The following XG variants were observed in gnomAD, a reference collection of about 807,000 sequenced individuals.
XG encodes the protein Xg glycoprotein (Xg blood group).
XG carries 24 observed loss-of-function variants against 25.7 expected under a neutral mutation model. The ratio of observed to expected loss-of-function variants is 0.93; its 90% CI spans 0.68 to 1.31. The LOEUF (loss-of-function observed/expected upper bound fraction) is 1.31, where lower values mean the gene tolerates loss of function less well. Ranked by LOEUF, XG falls within the 40% of genes most tolerant of loss-of-function variation. The pLI is 0.00. For synonymous variants in XG, 77 were observed against 69.2 expected, an observed-to-expected ratio of 1.11 and a Z score of -0.56; for missense variants, 181 against 187.6, an observed-to-expected ratio of 0.96 and a Z score of 0.21.
At chrX:2,788,582 C>T (rs1371304352) in intron 4 of XG, among the ~76,000 whole-genome samples, 4 of 111,480 alleles carry the variant, frequency 3.6e-5, no homozygotes, top group East Asian at 2.8e-4. Context: ...GGGCTGGGCA[C>T]GGTGGCTCAT....
At chrX:2,776,845 T>TCAA (rs775547510) in intron 3 of XG, among the ~76,000 whole-genome samples, 28 of 151,706 alleles carry the variant, frequency 1.8e-4, no homozygotes, top group African/African-American at 5.3e-4. Flanking sequence ...AGACTCCGTC[T>TCAA]CAACAACAAC....
chrX:2,809,713 C>T (rs1272940372), intron 9 of XG, among the ~76,000 whole-genome samples: 1 of 112,207 alleles, frequency 8.9e-6, no homozygotes, highest in Non-Finnish European at 1.9e-5. Flanking sequence ...CTCTTGTGTG[C>T]AGTCAACTGT....
intron 3 of XG, among the ~76,000 whole-genome samples, chrX:2,776,672 C>T (rs1409577109): frequency 1.3e-5 from 2 of 151,900 alleles, no homozygotes; most frequent in African/African-American, 4.8e-5. Context: ...GGTGAAACCC[C>T]GTCTCTACTA....
chrX:2,812,433 C>T (rs1451188523), intron 10 of XG, among the ~76,000 whole-genome samples: 1 of 111,075 alleles, frequency 9.0e-6, no homozygotes, highest in African/African-American at 3.3e-5. Context: ...TGGTTTAAAC[C>T]TCAGGCCACC....
At chrX:2,804,587 A>G (rs753568903) in intron 7 of XG, among the ~76,000 whole-genome samples, 5 of 111,337 alleles carry the variant, frequency 4.5e-5, no homozygotes, top group African/African-American at 1.3e-4. Context: ...TTTTCACCCC[A>G]TGCACGATTC....
chrX:2,794,392 G>A, intron 5 of XG, 143 bp from the exon 6 acceptor site: 1 of 613,294 alleles, frequency 1.6e-6, no homozygotes, highest in Non-Finnish European at 2.4e-6. Flanking sequence ...TTAATTCCTG[G>A]TGCCTGTGGG....
chrX:2,791,006 C>T (rs180838415), intron 5 of XG, among the ~76,000 whole-genome samples: 155 of 110,707 alleles, frequency 1.4e-3, no homozygotes, highest in Non-Finnish European at 2.6e-3. Flanking sequence ...CTGAAAAATA[C>T]CATGCACACT....
chrX:2,814,694 AAC>A lies in XG; in HGVS notation c.*323_*324del. ...ATCTTCAGCTACCTCATGGTGCAAT[AAC>A]ACACACACGCTTAACCATGTTGATG... is the stretch of plus-strand genomic sequence containing the variant. On this transcript the variant is annotated 3_prime_UTR_variant, in exon 11 of 11. Transcript: ENST00000644266. 8.0e-6 allele frequency: 2 copies of A among 248,886 alleles called. No homozygotes were observed. Among genetic ancestry groups the A allele is most frequent in the Non-Finnish European group, 1.4e-5 (2 of 142,517 alleles). The allele number at this position is 248,886 out of a possible 1,213,427, so 20.5% of individuals were successfully genotyped here. A position where few individuals can be genotyped will look rare whatever the true frequency, so the allele number is the denominator to read the frequency against.
Position 2,754,572 on chromosome X carries a change from T to G in XG, c.61+2237T>G, listed in dbSNP as rs140937590. Among the ~76,000 whole-genome samples, 569 of 151,970 alleles carry G rather than the reference T, an allele frequency of 3.7e-3. 4 individuals are homozygous for G. The highest frequency in any genetic ancestry group is 5.6e-3 in the Non-Finnish European group (382 of 67,980). ...AGAACTAATGCAATAGAAATATATA[T>G]AGAGAGAGGAGTTTATTAAGTATTA... On this transcript the variant is annotated intron_variant, in intron 1 of 10. Transcript: ENST00000644266.
chrX:2,794,618 T>G lies in XG; in HGVS notation c.322+15T>G. ...GCCGCCTGCAGGTAGGTGCCGAGCC[T>G]CCCCAGATGCGACACATTGAATTTG... On this transcript the variant is annotated intron_variant, in intron 6 of 10. Transcript: ENST00000644266. The G allele has an allele frequency of 8.3e-7, 1 of 1,207,856 alleles. No homozygotes were observed. Among genetic ancestry groups the G allele is most frequent in the Non-Finnish European group, 1.1e-6 (1 of 893,673 alleles).
At chrX:2,810,922 TAATAAGA>T (rs1223312638) in intron 9 of XG, among the ~76,000 whole-genome samples, 4 of 64,348 alleles carry the variant, frequency 6.2e-5, no homozygotes, top group Non-Finnish European at 1.2e-4. Flanking sequence ...TCTCAAAAAA[TAATAAGA>T]AATAAATAAA....
chrX:2,788,947 C>T (rs1176669051), intron 4 of XG, among the ~76,000 whole-genome samples: 1 of 111,339 alleles, frequency 9.0e-6, no homozygotes, highest in Non-Finnish European at 1.9e-5. Context: ...CAAATGAAGC[C>T]AGGCTCAGTG....
At position 2,784,001 on chromosome X, in the gene XG, C is replaced by A. The variant is rs146504304; in HGVS notation, c.190+1873C>A. Among the ~76,000 whole-genome samples, 328 of 109,221 alleles carry A rather than the reference C, an allele frequency of 3.0e-3. 3 individuals are homozygous for A. The highest frequency in any genetic ancestry group is 0.011 in the African/African-American group (311 of 28,988). 94.8% of individuals were successfully genotyped at this position (109,221 alleles called of 115,157 possible). Reference sequence around the variant, plus strand: ...AAAACCAAACCAAACCAAACCAAACCAAACAAAACAAAACCCCAAAACACC... The same window carrying A: ...AAAACCAAACCAAACCAAACCAAACAAAACAAAACAAAACCCCAAAACACC... On this transcript the variant is annotated intron_variant, in intron 4 of 10. Coordinates refer to ENST00000644266, the MANE Select transcript of XG (RefSeq NM_001141919.2).
In XG at chrX:2,797,369, A is replaced by G; in HGVS notation, c.373+9A>G. ...CTCCGACAACACGCACGGTACCCCTACATCTGGGCATGCGATGGTGGGTGG... is the reference window on the plus strand; with the variant it reads ...CTCCGACAACACGCACGGTACCCCTGCATCTGGGCATGCGATGGTGGGTGG... On this transcript the variant is annotated intron_variant, in intron 7 of 10. Transcript: ENST00000644266. 7 of 1,204,368 alleles carry G rather than the reference A, an allele frequency of 5.8e-6. No individual in the cohort carries two copies. The highest frequency in any genetic ancestry group is 7.9e-6 in the Non-Finnish European group (7 of 890,691).
intron 2 of XG, among the ~76,000 whole-genome samples, chrX:2,774,505 A>T (rs2050931058): frequency 6.6e-6 from 1 of 151,894 alleles, no homozygotes; most frequent in African/African-American, 2.4e-5. Context: ...GGGCATCCTC[A>T]CAGCCTCAAG....
chrX:2,776,834 G>C (rs775021898), intron 3 of XG, among the ~76,000 whole-genome samples: 208 of 148,850 alleles, frequency 1.4e-3, no homozygotes, highest in Non-Finnish European at 2.7e-3. Context: ...GCGACAGAGC[G>C]AGACTCCGTC....
chrX:2,755,006 G>A (rs1407632901), intron 1 of XG, among the ~76,000 whole-genome samples: 2 of 152,180 alleles, frequency 1.3e-5, no homozygotes, highest in African/African-American at 2.4e-5. Context: ...AGCCGGCAGC[G>A]GAATCTGAGC....
At chrX:2,782,928 C>T (rs771461469) in intron 4 of XG, among the ~76,000 whole-genome samples, 1 of 111,733 alleles carries the variant, frequency 8.9e-6, no homozygotes, top group South Asian at 3.8e-4. Context: ...CAGAGTGAAA[C>T]CACGAACTGA....
At chrX:2,774,675 C>G in intron 2 of XG, 41 bp from the exon 3 acceptor site, 1 of 1,611,728 alleles carries the variant, frequency 6.2e-7, no homozygotes, top group Non-Finnish European at 8.5e-7. Context: ...TCCAATGAAT[C>G]TTCAATGCAT....
Sources: gnomAD v4.1 joint callset for allele counts (sites outside exome capture counted in the v4.1 genomes callset) on GRCh38, gnomAD v4.1.1 for gene constraint, MANE v1.5 for transcripts, NCBI Gene and HGNC (gene_info 2026-07-23, HGNC 2026-07-21) for gene names.